Variants in CCL22 observed in about 807,000 individuals in gnomAD.
CCL22 encodes the protein C-C motif chemokine 22.
Under a neutral mutation model 7.6 loss-of-function variants are expected in CCL22, and 7 were observed. The ratio of observed to expected loss-of-function variants is 0.92; its 90% CI spans 0.52 to 1.72. The LOEUF is 1.72. CCL22 is among the 40% of genes most tolerant of loss of function. The pLI is 0.00. For missense variants in CCL22, 115 were observed against 124.7 expected (o/e 0.92, Z 0.37); for synonymous variants, 55 against 47.2 (o/e 1.17, Z -0.68).
chr16:57,358,600 G>T (rs1037691366), upstream of CCL22, among the ~76,000 whole-genome samples: 1 of 152,202 alleles, frequency 6.6e-6, no homozygotes, highest in African/African-American at 2.4e-5. Flanking sequence ...AGTTGAGGGG[G>T]GGTCCCCTCT....
At chr16:57,363,270 C>T (rs1444299710) in intron 2 of CCL22, among the ~76,000 whole-genome samples, 1 of 152,186 alleles carries the variant, frequency 6.6e-6, no homozygotes, top group African/African-American at 2.4e-5. Context: ...GCTGGGATTA[C>T]AGGCGTGAAC....
chr16:57,362,166 G>A (rs190047577), intron 2 of CCL22, among the ~76,000 whole-genome samples: 34 of 152,266 alleles, frequency 2.2e-4, no homozygotes, highest in Middle Eastern at 3.4e-3. Flanking sequence ...AATAGTAAGA[G>A]GAAGGTGAAG....
At position 57,359,691 on chromosome 16, in the gene CCL22, G is replaced by A. The variant is rs567740713; in HGVS notation, c.74-746G>A. Reference sequence around the variant, plus strand: ...TCTGTTGCCCAGGCTGGAGTGCAGTGGCGCAATCTCAGCTCACTGCAACCT... The same window carrying A: ...TCTGTTGCCCAGGCTGGAGTGCAGTAGCGCAATCTCAGCTCACTGCAACCT... On this transcript the variant is annotated intron_variant, in intron 1 of 2. Coordinates refer to ENST00000219235, the MANE Select transcript of CCL22 (RefSeq NM_002990.5). 6.7e-4 allele frequency among the ~76,000 whole-genome samples: 101 copies of A among 151,706 alleles called. 1 individual carries two copies. The highest frequency in any genetic ancestry group is 1.1e-3 in the Non-Finnish European group (74 of 67,976).
chr16:57,358,262 G>A (rs889090745), upstream of CCL22, among the ~76,000 whole-genome samples: 10 of 152,172 alleles, frequency 6.6e-5, no homozygotes, highest in Non-Finnish European at 4.4e-5. Context: ...AGAAATCCAC[G>A]ACCTGGCCCA....
At chr16:57,362,309 T>G (rs1347201836) in intron 2 of CCL22, among the ~76,000 whole-genome samples, 1 of 152,096 alleles carries the variant, frequency 6.6e-6, no homozygotes. Flanking sequence ...ACTGAGACTC[T>G]GTCTTTATTT....
Position 57,360,556 on chromosome 16 carries a change from G to C in CCL22, c.193G>C (p.Val65Leu), listed in dbSNP as rs374388955. 1 of 1,614,104 alleles carries C rather than the reference G, an allele frequency of 6.2e-7. No individual in the cohort carries two copies. Among genetic ancestry groups the C allele is most frequent in the Admixed American group, 1.7e-5 (1 of 60,024 alleles). The change falls in exon 2 of 3, where the codon GTG becomes CTG. Residue 65 changes from valine (V) to leucine (L), a missense_variant. Physicochemically the swap from Val to Leu is conservative, Grantham distance 32. Transcript: ENST00000219235. ...CTCAGACTCCTGCCCGAGGCCTGGC[G>C]TGGTGTGAGTAGGGAGCTGGGGCCA... Reference protein sequence around the residue: ...WTSDSCPRPGVVLLTFRDKEI... With the variant: ...WTSDSCPRPGLVLLTFRDKEI...
chr16:57,362,916 T>A (rs569939967), intron 2 of CCL22, among the ~76,000 whole-genome samples: 1 of 151,766 alleles, frequency 6.6e-6, no homozygotes, highest in African/African-American at 2.4e-5. Context: ...CTCTTGGGGA[T>A]TCTATTTCAT....
rs187546931 is a variant in CCL22 at position 57,364,877 on chromosome 16, A to G, written c.*1289A>G. The stretch of plus-strand genomic sequence containing the variant: ...GAGTGCAGTGGCGTGATCTCGGCTC[A>G]CTACAACCTCGACCTCCTGGGTTCA... On this transcript the variant is annotated 3_prime_UTR_variant, in exon 3 of 3. Coordinates refer to ENST00000219235, the MANE Select transcript of CCL22 (RefSeq NM_002990.5). 2 of 144,828 alleles carry G rather than the reference A, an allele frequency of 1.4e-5. No homozygotes were observed. The highest frequency in any genetic ancestry group is 4.1e-4 in the East Asian group (2 of 4,880). The allele number at this position is 144,828 out of a possible 1,614,324, so 9.0% of individuals were successfully genotyped here.
Position 57,365,151 on chromosome 16 carries a change from C to T in CCL22, c.*1563C>T, listed in dbSNP as rs557651869. 5 of 152,044 alleles carry T rather than the reference C, an allele frequency of 3.3e-5. No homozygotes were observed. The highest frequency in any genetic ancestry group is 1.2e-4 in the African/African-American group (5 of 41,454). The allele number at this position is 152,044 out of a possible 1,614,324, so 9.4% of individuals were successfully genotyped here. A position where few individuals can be genotyped will look rare whatever the true frequency, so the allele number is the denominator to read the frequency against. On this transcript the variant is annotated 3_prime_UTR_variant, in exon 3 of 3. Transcript: ENST00000219235. ...ACTCCTGTACCTTTCTTCGTTTTAC[C>T]TATGTGTCGTGTCTGCTTACATTTC...
In CCL22 at chr16:57,363,720, G is replaced by T; in HGVS notation, c.*132G>T. 1 of 663,788 alleles carries T rather than the reference G, an allele frequency of 1.5e-6. No individual in the cohort carries two copies. Among genetic ancestry groups the T allele is most frequent in the Non-Finnish European group, 2.7e-6 (1 of 371,304 alleles). 41.1% of individuals were successfully genotyped at this position (663,788 alleles called of 1,614,324 possible). Reference sequence around the variant, plus strand: ...GCATTCCCTGATCTCCATCCCTGTGGCTGTCACCCTTGGTCACCTCCGTGC... The same window carrying T: ...GCATTCCCTGATCTCCATCCCTGTGTCTGTCACCCTTGGTCACCTCCGTGC... On this transcript the variant is annotated 3_prime_UTR_variant, in exon 3 of 3. Transcript: ENST00000219235.
In CCL22 at chr16:57,360,501, C is replaced by T. The variant is rs750381788; in HGVS notation, c.138C>T (p.Pro46=). 5 of 1,614,232 alleles carry T rather than the reference C, an allele frequency of 3.1e-6. No individual in the cohort carries two copies. The highest frequency in any genetic ancestry group is 1.1e-5 in the South Asian group (1 of 91,088). The change falls in exon 2 of 3, where the codon CCC becomes CCT. Residue 46 remains proline (P), a synonymous_variant. Transcript: ENST00000219235. Reference sequence around the variant, plus strand: ...GTGATTACGTCCGTTACCGTCTGCCCCTGCGCGTGGTGAAACACTTCTACT... The same window carrying T: ...GTGATTACGTCCGTTACCGTCTGCCTCTGCGCGTGGTGAAACACTTCTACT... ...CCRDYVRYRL[P]LRVVKHFYWT...
rs144628416 is a variant in CCL22, at chr16:57,364,408, C to G, written c.*820C>G. 3.5e-3 allele frequency: 538 copies of G among 152,094 alleles called. No individual in the cohort carries two copies. The highest frequency in any genetic ancestry group is 6.9e-3 in the Middle Eastern group (2 of 288). The allele number at this position is 152,094 out of a possible 1,614,324, so 9.4% of individuals were successfully genotyped here. A position where few individuals can be genotyped will look rare whatever the true frequency, so the allele number is the denominator to read the frequency against. ...ATATCAATACAGAGACTCAAGGTCA[C>G]TAGAAATGGGCCAGCTGGGTCAATG... On this transcript the variant is annotated 3_prime_UTR_variant, in exon 3 of 3. Transcript: ENST00000219235.
At chr16:57,360,581 A>G (rs1174427022) in intron 2 of CCL22, 21 bp downstream of exon 2, 3 of 1,613,724 alleles carry the variant, frequency 1.9e-6, no homozygotes, top group East Asian at 2.2e-5. Context: ...AGCTGGGGCC[A>G]CAGGGCCTTG....
chr16:57,359,081 A>C (rs1259838417), intron 1 of CCL22, among the ~76,000 whole-genome samples, 192 bp downstream of exon 1: 2 of 152,116 alleles, frequency 1.3e-5, no homozygotes, highest in Non-Finnish European at 2.9e-5. Context: ...AGTCTTGAAG[A>C]CTTGGAGTCT....
chr16:57,361,416 A>G (rs1186249333), intron 2 of CCL22, among the ~76,000 whole-genome samples: 1 of 152,152 alleles, frequency 6.6e-6, no homozygotes, highest in Non-Finnish European at 1.5e-5. Flanking sequence ...TCTGATCATT[A>G]CCTGTGTTAA....
At chr16:57,361,780 C>T (rs1213944519) in intron 2 of CCL22, among the ~76,000 whole-genome samples, 4 of 152,130 alleles carry the variant, frequency 2.6e-5, no homozygotes, top group African/African-American at 9.7e-5. Flanking sequence ...TCATGACCCA[C>T]TTTGGGCCTC....
chr16:57,358,951 T>G (rs1902018712), intron 1 of CCL22, 62 bp downstream of exon 1: 3 of 1,294,042 alleles, frequency 2.3e-6, no homozygotes, highest in Admixed American at 1.7e-5. Context: ...GGTGTCTTCC[T>G]CATGTCTTGG....
chr16:57,362,249 A>G (rs1902056979), intron 2 of CCL22, among the ~76,000 whole-genome samples: 1 of 152,190 alleles, frequency 6.6e-6, no homozygotes, highest in South Asian at 2.1e-4. Flanking sequence ...TGGGAGGCTG[A>G]GGCAGGAGGA....
chr16:57,358,942 G>T, intron 1 of CCL22, 53 bp downstream of exon 1: 3 of 1,355,504 alleles, frequency 2.2e-6, no homozygotes, highest in East Asian at 2.3e-5. Flanking sequence ...AGACGGTGGG[G>T]TGTCTTCCTC....
Sources: gnomAD v4.1 joint callset for allele counts (sites outside exome capture counted in the v4.1 genomes callset) on GRCh38, gnomAD v4.1.1 for gene constraint, MANE v1.5 for transcripts, NCBI Gene and HGNC (gene_info 2026-07-23, HGNC 2026-07-21) for gene names.